HTR2C: variants seen among roughly 807,000 people sequenced by gnomAD.
HTR2C encodes 5-hydroxytryptamine (serotonin) receptor 2C, G protein-coupled.
Under a neutral mutation model 21.0 loss-of-function variants are expected in HTR2C, and 5 were observed. The observed-to-expected ratio is 0.24, with a 90% confidence interval of 0.12 to 0.50. The LOEUF (loss-of-function observed/expected upper bound fraction) is 0.50, where lower values mean the gene tolerates loss of function less well. HTR2C is among the 20% of genes least tolerant of loss of function. The probability of loss-of-function intolerance (pLI) is 0.98; values close to 1 mark genes in which losing one functional copy is unlikely to be tolerated. For missense variants in HTR2C, 271 were observed against 371.2 expected (o/e 0.73, Z 2.22); for synonymous variants, 150 against 145.3 (o/e 1.03, Z -0.23).
intron 4 of HTR2C, among the ~76,000 whole-genome samples, chrX:114,838,465 T>C (rs1227980974): frequency 8.9e-6 from 1 of 112,343 alleles, no homozygotes; most frequent in Non-Finnish European, 1.9e-5. Flanking sequence ...ATTGTCTACA[T>C]TACTTCATGA....
chrX:114,612,940 A>T (rs782760419), intron 1 of HTR2C, among the ~76,000 whole-genome samples: 28 of 107,801 alleles, frequency 2.6e-4, no homozygotes, highest in African/African-American at 7.7e-4. Flanking sequence ...ATTTTATTTT[A>T]TTTTATTTTT....
At position 114,690,867 on chromosome X, in the gene HTR2C, C is replaced by T. The variant is rs142989185; in HGVS notation, c.-79-35991C>T. Among the ~76,000 whole-genome samples, 6 of 110,854 alleles carry T rather than the reference C, an allele frequency of 5.4e-5. No homozygotes were observed. In the East Asian group the frequency reaches 1.7e-3, roughly 31 times the overall value. ...GTCATGGAAAACATATGACTTATACCCTAGGTTGATTCCTTTTTTGACACT... is the reference window on the plus strand; with the variant it reads ...GTCATGGAAAACATATGACTTATACTCTAGGTTGATTCCTTTTTTGACACT... On this transcript the variant is annotated intron_variant, in intron 2 of 5. Coordinates refer to ENST00000276198, the MANE Select transcript of HTR2C (RefSeq NM_000868.4).
intron 5 of HTR2C, among the ~76,000 whole-genome samples, chrX:114,876,406 TTC>T (rs2071135651): frequency 4.1e-5 from 2 of 48,377 alleles, no homozygotes; most frequent in African/African-American, 1.3e-4. Flanking sequence ...CTTTCTTTCT[TTC>T]TTTCTTTTTC....
intron 5 of HTR2C, among the ~76,000 whole-genome samples, chrX:114,899,953 C>T (rs185532528): frequency 9.0e-4 from 100 of 111,495 alleles, no homozygotes; most frequent in African/African-American, 3.0e-3. Context: ...TCTGGGTTGA[C>T]AGATGTGCGT....
chrX:114,870,112 G>T (rs1183397760), intron 5 of HTR2C, among the ~76,000 whole-genome samples: 1 of 107,088 alleles, frequency 9.3e-6, no homozygotes, highest in East Asian at 2.9e-4. Flanking sequence ...TTTGAGATGG[G>T]GTTTAACTCT....
At chrX:114,820,892 C>G (rs1188420062) in intron 4 of HTR2C, among the ~76,000 whole-genome samples, 6 of 111,328 alleles carry the variant, frequency 5.4e-5, no homozygotes, top group African/African-American at 2.0e-4. Flanking sequence ...ATATCACTTT[C>G]TGGTTCCCCT....
At position 114,835,814 on chromosome X, in the gene HTR2C, G is replaced by T. The variant is rs1198471373; in HGVS notation, c.350-12189G>T. Among the ~76,000 whole-genome samples, 15 of 110,563 alleles carry T rather than the reference G, an allele frequency of 1.4e-4. No homozygotes were observed. In the East Asian group the frequency reaches 4.0e-3, roughly 30 times the overall value. ...TTAGAGTTTCCAGTTTTTCTGTTCT[G>T]TTTTTTCCCCATCTTTGTGGTTTTA... On this transcript the variant is annotated intron_variant, in intron 4 of 5. Coordinates refer to ENST00000276198, the MANE Select transcript of HTR2C (RefSeq NM_000868.4).
At chrX:114,595,478 C>T (rs931097560) in intron 1 of HTR2C, among the ~76,000 whole-genome samples, 1 of 110,222 alleles carries the variant, frequency 9.1e-6, no homozygotes, top group Non-Finnish European at 1.9e-5. Context: ...CCGCCTCTGC[C>T]TCCCAAAGTG....
intron 4 of HTR2C, among the ~76,000 whole-genome samples, chrX:114,737,793 A>G (rs782631120): frequency 8.9e-6 from 1 of 111,915 alleles, no homozygotes; most frequent in Non-Finnish European, 1.9e-5. Context: ...AGTAGAAGAA[A>G]TAGTTATCAA....
intron 4 of HTR2C, among the ~76,000 whole-genome samples, chrX:114,794,333 GTTC>G (rs1461141243): frequency 3.6e-5 from 4 of 110,216 alleles, no homozygotes; most frequent in African/African-American, 1.3e-4. Flanking sequence ...CTAAGGATGT[GTTC>G]TTCTTCAATT....
At chrX:114,826,515 CA>C (rs1376439956) in intron 4 of HTR2C, among the ~76,000 whole-genome samples, 1 of 111,800 alleles carries the variant, frequency 8.9e-6, no homozygotes, top group Non-Finnish European at 1.9e-5. Context: ...AACTTCAGGC[CA>C]AAAAATAAAT....
chrX:114,907,310 C>G lies in HTR2C; in HGVS notation c.1272C>G (p.Ile424Met). ...ATCGGCATACCAATGAACCGGTGATCGAGAAAGCCAGTGACAATGAGCCCG... is the reference window on the plus strand; with the variant it reads ...ATCGGCATACCAATGAACCGGTGATGGAGAAAGCCAGTGACAATGAGCCCG... ...NIYRHTNEPV[I>M]EKASDNEPGI... The change falls in exon 6 of 6, where the codon ATC (isoleucine) becomes ATG (methionine). Residue 424 changes from isoleucine to methionine, a missense_variant. Around this residue, in one of 5 missense-constraint regions of HTR2C, gnomAD observed 192 missense variants for 247.2 expected, o/e 0.78. Coordinates refer to ENST00000276198, the MANE Select transcript of HTR2C (RefSeq NM_000868.4). 8.3e-7 allele frequency: 1 copy of G among 1,210,367 alleles called. No homozygotes were observed.
At chrX:114,597,418 G>T (rs1744522827) in intron 1 of HTR2C, among the ~76,000 whole-genome samples, 1 of 110,934 alleles carries the variant, frequency 9.0e-6, no homozygotes, top group Admixed American at 9.7e-5. Context: ...GTATTGGCAT[G>T]CAACAAAAAT....
chrX:114,850,515 A>C (rs2070908558), intron 5 of HTR2C, among the ~76,000 whole-genome samples: 1 of 111,508 alleles, frequency 9.0e-6, no homozygotes, highest in African/African-American at 3.3e-5. Context: ...AAAATATTAA[A>C]AATTAGCTGG....
chrX:114,619,437 G>C (rs1441673836), intron 2 of HTR2C, among the ~76,000 whole-genome samples: 1 of 111,578 alleles, frequency 9.0e-6, no homozygotes, highest in Non-Finnish European at 1.9e-5. Flanking sequence ...AAGACAACCT[G>C]ATCTGGTTCC....
Position 114,806,296 on chromosome X carries a change from C to CACTACATATAT in HTR2C, c.350-41705_350-41704insTACATATATAC, listed in dbSNP as rs1569495782. ...CATATATATACACACCATATAGATA[C>CACTACATATAT]ACACCATATATATACACTACATATA... On this transcript the variant is annotated intron_variant, in intron 4 of 5. Transcript: ENST00000276198. Among the ~76,000 whole-genome samples, 134 of 96,167 alleles carry CACTACATATAT rather than the reference C, an allele frequency of 1.4e-3. 1 individual carries two copies. The highest frequency in any genetic ancestry group is 4.8e-3 in the African/African-American group (125 of 26,185). 83.5% of individuals were successfully genotyped at this position (96,167 alleles called of 115,157 possible). A position where few individuals can be genotyped will look rare whatever the true frequency, so the allele number is the denominator to read the frequency against.
intron 5 of HTR2C, among the ~76,000 whole-genome samples, chrX:114,878,967 T>C (rs2071159976): frequency 9.0e-6 from 1 of 110,872 alleles, no homozygotes; most frequent in Non-Finnish European, 1.9e-5. Flanking sequence ...ATCTTGCTAT[T>C]GTATAAAATG....
intron 2 of HTR2C, among the ~76,000 whole-genome samples, chrX:114,705,567 T>G: frequency 9.3e-6 from 1 of 107,733 alleles, no homozygotes; most frequent in Non-Finnish European, 1.9e-5. Context: ...TCAAGATGGA[T>G]TAAAGACTTA....
In HTR2C at chrX:114,908,709, G is replaced by GTGT. The variant is rs2071393722; in HGVS notation, c.*1298_*1300dup. The GTGT allele has an allele frequency of 8.9e-6, 1 of 112,536 alleles. No individual in the cohort carries two copies. Among genetic ancestry groups the GTGT allele is most frequent in the African/African-American group, 3.2e-5 (1 of 30,903 alleles). The allele number at this position is 112,536 out of a possible 1,213,427, so 9.3% of individuals were successfully genotyped here. A position where few individuals can be genotyped will look rare whatever the true frequency, so the allele number is the denominator to read the frequency against. On this transcript the variant is annotated 3_prime_UTR_variant, in exon 6 of 6. Coordinates refer to ENST00000276198, the MANE Select transcript of HTR2C (RefSeq NM_000868.4). ...AAGTTTAAATCTTTGTTAAAATATA[G>GTGT]TGTTGTGTTACAATAAGTGTTGGCC...
Sources: allele counts gnomAD v4.1 joint callset (sites outside exome capture counted in the v4.1 genomes callset), GRCh38; gene constraint gnomAD v4.1.1; regional missense constraint gnomAD v4.1.1; transcripts MANE v1.5; gene names NCBI Gene and HGNC (gene_info 2026-07-23, HGNC 2026-07-21).